KCMF1: variants seen among roughly 807,000 people sequenced by gnomAD.
KCMF1 encodes potassium channel modulatory factor 1.
Under a neutral mutation model 41.1 loss-of-function variants are expected in KCMF1, and 3 were observed. That is an observed-to-expected ratio of 0.07 (90% CI 0.03 to 0.19). The LOEUF (loss-of-function observed/expected upper bound fraction) is 0.19, where lower values mean the gene tolerates loss of function less well. Ranked by LOEUF, KCMF1 falls within the 10% of genes least tolerant of loss-of-function variation. The pLI is 1.00. For missense variants in KCMF1, 286 were observed against 488.9 expected (o/e 0.58, Z 3.91); for synonymous variants, 142 against 164.5 (o/e 0.86, Z 1.04).
chr2:85,053,843 G>C lies in KCMF1; in HGVS notation c.*434G>C, dbSNP rs1675866621. 6.5e-6 allele frequency: 1 copy of C among 153,486 alleles called. No individual in the cohort carries two copies. Among genetic ancestry groups the C allele is most frequent in the South Asian group, 2.1e-4 (1 of 4,854 alleles). 9.5% of individuals were successfully genotyped at this position (153,486 alleles called of 1,614,324 possible). On this transcript the variant is annotated 3_prime_UTR_variant, in exon 7 of 7. Transcript: ENST00000409785. ...TGTTATTTAAGAAGTTAAATACAAG[G>C]AGTAAAACTTAAAAAAAAAATACAA... is the stretch of plus-strand genomic sequence containing the variant.
chr2:84,988,421 T>C (rs984099738), intron 1 of KCMF1, among the ~76,000 whole-genome samples: 1 of 152,236 alleles, frequency 6.6e-6, no homozygotes, highest in Non-Finnish European at 1.5e-5. Context: ...AACAGTCCTA[T>C]GAGATATGTA....
intron 1 of KCMF1, among the ~76,000 whole-genome samples, chr2:85,007,955 G>T (rs1262582649): frequency 6.6e-6 from 1 of 151,860 alleles, no homozygotes; most frequent in Non-Finnish European, 1.5e-5. Flanking sequence ...TAGAGATGGG[G>T]TTTCACCATG....
rs1373194570 is a variant in KCMF1, at chr2:85,028,866, T to C, written c.184+810T>C. ...TGTTTAAAAAAACCATTCAGAAATATACACAACTGACAAGGAATGAAATAG... is the reference window on the plus strand; with the variant it reads ...TGTTTAAAAAAACCATTCAGAAATACACACAACTGACAAGGAATGAAATAG... On this transcript the variant is annotated intron_variant, in intron 2 of 6. Coordinates refer to ENST00000409785, the MANE Select transcript of KCMF1 (RefSeq NM_020122.5). Among the ~76,000 whole-genome samples the C allele has an allele frequency of 2.0e-5, 3 of 152,206 alleles. No homozygotes were observed. In the East Asian group the frequency reaches 5.8e-4, roughly 29 times the overall value.
At chr2:85,019,069 T>C (rs1056079284) in intron 1 of KCMF1, among the ~76,000 whole-genome samples, 1 of 152,046 alleles carries the variant, frequency 6.6e-6, no homozygotes, top group Admixed American at 6.6e-5. Context: ...TTAAATAGAG[T>C]GTACTGATAT....
intron 1 of KCMF1, among the ~76,000 whole-genome samples, chr2:85,001,888 CTTG>C (rs1470312782): frequency 2.6e-5 from 4 of 152,092 alleles, no homozygotes; most frequent in African/African-American, 9.7e-5. Context: ...ATATGGATAG[CTTG>C]TTGTTTATCT....
chr2:85,008,277 A>ATGATATATGATATGATATATGAT (rs1370005345), intron 1 of KCMF1, among the ~76,000 whole-genome samples: 1 of 91,386 alleles, frequency 1.1e-5, no homozygotes, highest in Non-Finnish European at 2.1e-5. Flanking sequence ...TATAATATAT[A>ATGATATATGATATGATATATGAT]ATATGATATA....
intron 6 of KCMF1, 96 bp from the exon 7 acceptor site, chr2:85,053,052 C>A: frequency 8.8e-7 from 1 of 1,136,428 alleles, no homozygotes; most frequent in Admixed American, 2.8e-5. Flanking sequence ...ATTTTGCCAC[C>A]TGTAAAACTT....
intron 1 of KCMF1, among the ~76,000 whole-genome samples, chr2:85,025,329 G>A (rs935780143): frequency 6.6e-6 from 1 of 152,130 alleles, no homozygotes; most frequent in Non-Finnish European, 1.5e-5. Flanking sequence ...TTTTTAAAAT[G>A]CTGTTGCAAA....
intron 1 of KCMF1, among the ~76,000 whole-genome samples, chr2:84,998,672 G>A (rs572028003): frequency 3.3e-4 from 49 of 149,294 alleles, no homozygotes; most frequent in African/African-American, 1.1e-3. Flanking sequence ...ACGTGATCCC[G>A]GTTCACTGCA....
At chr2:85,050,855 T>C (rs1457212349) in intron 6 of KCMF1, among the ~76,000 whole-genome samples, 4 of 152,228 alleles carry the variant, frequency 2.6e-5, no homozygotes, top group Non-Finnish European at 5.9e-5. Flanking sequence ...AAATAACATA[T>C]TGTGGGTGCA....
intron 1 of KCMF1, among the ~76,000 whole-genome samples, chr2:85,005,578 C>T (rs752945263): frequency 6.6e-6 from 1 of 152,224 alleles, no homozygotes; most frequent in East Asian, 1.9e-4. Context: ...GCATGAGCCA[C>T]TGTGCCTGGC....
At chr2:85,023,786 A>G (rs544701046) in intron 1 of KCMF1, among the ~76,000 whole-genome samples, 2 of 152,214 alleles carry the variant, frequency 1.3e-5, no homozygotes, top group Admixed American at 6.5e-5. Context: ...AATATGAACA[A>G]ATTTTTCAAA....
At chr2:85,023,689 A>G (rs1675011927) in intron 1 of KCMF1, among the ~76,000 whole-genome samples, 1 of 152,224 alleles carries the variant, frequency 6.6e-6, no homozygotes, top group Admixed American at 6.5e-5. Context: ...CTCTAGGTGC[A>G]CACAGACAAA....
At chr2:85,021,903 G>A (rs1314176378) in intron 1 of KCMF1, among the ~76,000 whole-genome samples, 2 of 151,858 alleles carry the variant, frequency 1.3e-5, no homozygotes, top group African/African-American at 4.8e-5. Context: ...TACAACCTCC[G>A]CCTCCCAGGT....
Position 85,054,904 on chromosome 2 carries a change from C to G in KCMF1, c.*1495C>G, listed in dbSNP as rs1198926666. 1 of 152,198 alleles carries G rather than the reference C, an allele frequency of 6.6e-6. No individual in the cohort carries two copies. The highest frequency in any genetic ancestry group is 6.5e-5 in the Admixed American group (1 of 15,274). The allele number at this position is 152,198 out of a possible 1,614,324, so 9.4% of individuals were successfully genotyped here. ...CAAGCATACAGACTTGAACACCCCT[C>G]CGGTGTTCTTCCGAGAACTGTGAAG... On this transcript the variant is annotated 3_prime_UTR_variant, in exon 7 of 7. Coordinates refer to ENST00000409785, the MANE Select transcript of KCMF1 (RefSeq NM_020122.5).
At chr2:85,028,766 G>A (rs1192832037) in intron 2 of KCMF1, among the ~76,000 whole-genome samples, 2 of 151,714 alleles carry the variant, frequency 1.3e-5, no homozygotes, top group Non-Finnish European at 2.9e-5. Flanking sequence ...GGGATTACAG[G>A]CGTAAGCCAC....
chr2:84,979,971 C>T (rs1015923315), intron 1 of KCMF1, among the ~76,000 whole-genome samples: 8 of 151,192 alleles, frequency 5.3e-5, no homozygotes, highest in African/African-American at 1.9e-4. Flanking sequence ...TACAGGCATG[C>T]GCCACCACGC....
At chr2:85,032,233 G>A (rs1343477918) in intron 2 of KCMF1, among the ~76,000 whole-genome samples, 1 of 152,072 alleles carries the variant, frequency 6.6e-6, no homozygotes, top group Admixed American at 6.5e-5. Flanking sequence ...GTGCAGTGGT[G>A]CAGTCTCGGC....
intron 2 of KCMF1, among the ~76,000 whole-genome samples, chr2:85,034,019 CA>C (rs543294824): frequency 1.9e-3 from 250 of 128,666 alleles, no homozygotes; most frequent in Middle Eastern, 4.1e-3. Context: ...CCCATCTTTC[CA>C]AAAAAAAAAA....
Sources: gnomAD v4.1 joint callset for allele counts (sites outside exome capture counted in the v4.1 genomes callset) on GRCh38, gnomAD v4.1.1 for gene constraint, MANE v1.5 for transcripts, NCBI Gene and HGNC (gene_info 2026-07-23, HGNC 2026-07-21) for gene names.